Variants in SLC39A10 observed in about 807,000 individuals in gnomAD.
SLC39A10 encodes the protein zinc transporter ZIP10.
SLC39A10 carries 13 observed loss-of-function variants against 65.1 expected under a neutral mutation model. The ratio of observed to expected loss-of-function variants is 0.20; its 90% confidence interval spans 0.13 to 0.32. The LOEUF is 0.32. Ranked by LOEUF, SLC39A10 falls within the 10% of genes least tolerant of loss-of-function variation. The pLI, the probability that SLC39A10 is intolerant of heterozygous loss-of-function variation, is 1.00. For missense variants in SLC39A10, 831 were observed against 1,018.4 expected (o/e 0.82, Z 2.50); for synonymous variants, 321 against 342.2 (o/e 0.94, Z 0.68).
chr2:195,719,360 C>G (rs1198698363), intron 8 of SLC39A10, among the ~76,000 whole-genome samples: 1 of 152,144 alleles, frequency 6.6e-6, no homozygotes, highest in African/African-American at 2.4e-5. Flanking sequence ...CTGCCCAGTA[C>G]TCAGAAATGT....
At chr2:195,702,298 A>G (rs1321031663) in intron 3 of SLC39A10, among the ~76,000 whole-genome samples, 2 of 152,094 alleles carry the variant, frequency 1.3e-5, no homozygotes, top group Non-Finnish European at 2.9e-5. Context: ...CATTTTGTCT[A>G]CTCTAGCTCC....
chr2:195,718,237 T>TC lies in SLC39A10; in HGVS notation c.2066-14dup, dbSNP rs1325327734. On this transcript the variant is annotated splice_polypyrimidine_tract_variant and intron_variant, in intron 7 of 9. Transcript: ENST00000359634. ...ATCAGCAAACCTCACTTGTTTTTTT[T>TC]CTTATCTTCCTCAGGTGCAGCTTTC... 4 of 1,600,282 alleles carry TC rather than the reference T, an allele frequency of 2.5e-6. No individual in the cohort carries two copies. Among genetic ancestry groups the TC allele is most frequent in the Non-Finnish European group, 3.4e-6 (4 of 1,170,640 alleles).
At chr2:195,721,787 G>A (rs1391657308) in intron 8 of SLC39A10, among the ~76,000 whole-genome samples, 1 of 152,022 alleles carries the variant, frequency 6.6e-6, no homozygotes, top group East Asian at 1.9e-4. Context: ...TAATATACTA[G>A]AAAAACCTCC....
At chr2:195,638,360 G>C (rs933730313) in intron 2 of SLC39A10, among the ~76,000 whole-genome samples, 1 of 151,652 alleles carries the variant, frequency 6.6e-6, no homozygotes, top group Non-Finnish European at 1.5e-5. Context: ...TTTTTGTTTT[G>C]AGACAGTCTC....
At chr2:195,730,991 T>A (rs1275121872) in intron 9 of SLC39A10, among the ~76,000 whole-genome samples, 1 of 152,162 alleles carries the variant, frequency 6.6e-6, no homozygotes, top group Non-Finnish European at 1.5e-5. Context: ...CACCACCATC[T>A]TTCTCTTTTT....
chr2:195,624,569 T>C (rs1236700937), intron 2 of SLC39A10, among the ~76,000 whole-genome samples: 2 of 151,886 alleles, frequency 1.3e-5, no homozygotes, highest in African/African-American at 4.8e-5. Flanking sequence ...GGGGTGCACA[T>C]TTTATTCAAG....
chr2:195,671,947 C>T (rs527610527), intron 1 of SLC39A10, among the ~76,000 whole-genome samples: 21 of 151,760 alleles, frequency 1.4e-4, no homozygotes, highest in East Asian at 3.9e-4. Context: ...CACTCAGACC[C>T]GGAGCGGTCA....
chr2:195,721,464 T>C (rs1574313472), intron 8 of SLC39A10, among the ~76,000 whole-genome samples: 1 of 152,186 alleles, frequency 6.6e-6, no homozygotes, highest in East Asian at 1.9e-4. Context: ...ACTTTATTAC[T>C]GTCTTTTACC....
intron 5 of SLC39A10, among the ~76,000 whole-genome samples, chr2:195,710,340 C>CA (rs1167672930): frequency 6.6e-6 from 1 of 151,800 alleles, no homozygotes; most frequent in South Asian, 2.1e-4. Flanking sequence ...AAGCTTTCCA[C>CA]AAAAAAAAGA....
intron 2 of SLC39A10, among the ~76,000 whole-genome samples, chr2:195,638,117 T>A (rs1350956014): frequency 6.6e-6 from 1 of 152,122 alleles, no homozygotes; most frequent in Non-Finnish European, 1.5e-5. Flanking sequence ...ATTTGCCAAG[T>A]AAGAGGTCAA....
intron 3 of SLC39A10, among the ~76,000 whole-genome samples, chr2:195,689,849 A>T (rs572300604): frequency 2.0e-5 from 3 of 152,294 alleles, no homozygotes; most frequent in Admixed American, 6.5e-5. Flanking sequence ...ACTTAGCATT[A>T]TGTCCTCAAG....
At chr2:195,718,550 A>AT (rs1691902185) in intron 8 of SLC39A10, among the ~76,000 whole-genome samples, 1 of 152,208 alleles carries the variant, frequency 6.6e-6, no homozygotes. Context: ...CTTTGCATTC[A>AT]ATAACATAGT....
chr2:195,728,188 A>G lies in SLC39A10; in HGVS notation c.2176A>G (p.Met726Val). 1.9e-6 allele frequency: 3 copies of G among 1,613,658 alleles called. No individual in the cohort carries two copies. Among genetic ancestry groups the G allele is most frequent in the Non-Finnish European group, 2.5e-6 (3 of 1,179,688 alleles). The part of the protein sequence containing the change: ...GDFAVLLKAG[M>V]TVKQAIVYNL... The stretch of plus-strand genomic sequence containing the variant: ...TTTTGCAGTTCTTCTTAAAGCAGGC[A>G]TGACTGTAAAGCAAGCAATTGTATA... The change falls in exon 9 of 10, where the codon ATG becomes GTG. Residue 726 changes from methionine (M) to valine (V), a missense_variant. Transcript: ENST00000359634. The surrounding 1 kb of genome is among the most constrained non-coding windows in gnomAD (Gnocchi z 4.4).
At chr2:195,695,416 A>C (rs1690911791) in intron 3 of SLC39A10, among the ~76,000 whole-genome samples, 1 of 152,156 alleles carries the variant, frequency 6.6e-6, no homozygotes, top group South Asian at 2.1e-4. Context: ...CCACACTCCC[A>C]CACAACCTGC....
At chr2:195,702,132 C>T (rs1041261535) in intron 3 of SLC39A10, among the ~76,000 whole-genome samples, 11 of 152,144 alleles carry the variant, frequency 7.2e-5, no homozygotes, top group Admixed American at 4.6e-4. Flanking sequence ...AAAAGAGGTG[C>T]TGGCCTTTTA....
chr2:195,719,021 TC>T (rs1691919718), intron 8 of SLC39A10, among the ~76,000 whole-genome samples: 1 of 152,000 alleles, frequency 6.6e-6, no homozygotes. Context: ...AACTGAATAC[TC>T]AAAAAATAAT....
intron 9 of SLC39A10, among the ~76,000 whole-genome samples, chr2:195,729,693 A>C (rs958422402): frequency 1.8e-4 from 27 of 152,050 alleles, no homozygotes; most frequent in African/African-American, 6.5e-4. Flanking sequence ...TATAAACCTC[A>C]TATTACTTCT....
At chr2:195,688,709 A>G (rs924964253) in intron 3 of SLC39A10, among the ~76,000 whole-genome samples, 7 of 152,216 alleles carry the variant, frequency 4.6e-5, no homozygotes, top group Non-Finnish European at 1.0e-4. Flanking sequence ...GAAAAGGGAA[A>G]TCTAGCTTTT....
chr2:195,703,141 C>G (rs1691256527), intron 3 of SLC39A10, among the ~76,000 whole-genome samples: 1 of 152,096 alleles, frequency 6.6e-6, no homozygotes, highest in African/African-American at 2.4e-5. Flanking sequence ...TTGAAATACC[C>G]CCTATCTCAT....
Sources: allele counts gnomAD v4.1 joint callset (sites outside exome capture counted in the v4.1 genomes callset), GRCh38; gene constraint gnomAD v4.1.1; non-coding constraint Gnocchi (gnomAD v3.1); transcripts MANE v1.5; gene names NCBI Gene and HGNC (gene_info 2026-07-23, HGNC 2026-07-21).